Variants in TEK observed in about 807,000 individuals in gnomAD.
TEK encodes the protein angiopoietin-1 receptor.
TEK carries 43 observed loss-of-function variants against 131.8 expected under a neutral mutation model. That is an observed-to-expected ratio of 0.33 (90% CI 0.26 to 0.42). TEK has a LOEUF of 0.42. Among genes scored for constraint, TEK ranks in the 10% least tolerant of loss-of-function variants. TEK has a pLI of 1.00. For missense variants in TEK, 1,162 were observed against 1,384.4 expected, an observed-to-expected ratio of 0.84 and a Z score of 2.55; for synonymous variants, 580 against 491.6, an observed-to-expected ratio of 1.18 and a Z score of -2.38.
chr9:27,175,153 A>T (rs1434442405), intron 6 of TEK, among the ~76,000 whole-genome samples: 2 of 101,208 alleles, frequency 2.0e-5, no homozygotes, highest in Non-Finnish European at 1.9e-5. Context: ...CCACCCCACA[A>T]CAGTCCCCAG....
At chr9:27,185,257 A>T (rs768318392) in intron 8 of TEK, among the ~76,000 whole-genome samples, 61 of 152,150 alleles carry the variant, frequency 4.0e-4, no homozygotes, top group Non-Finnish European at 4.3e-4. Flanking sequence ...CGTACTCCTA[A>T]ACACACAAAT....
intron 16 of TEK, 66 bp downstream of exon 16, chr9:27,209,297 A>G (rs1825515129): frequency 9.0e-7 from 1 of 1,107,558 alleles, no homozygotes; most frequent in Non-Finnish European, 1.4e-6. Context: ...CCATATGGAT[A>G]TAAGGAAAGA....
chr9:27,204,872 A>T (rs1455600140), intron 13 of TEK, 39 bp from the exon 14 acceptor site: 1 of 1,612,444 alleles, frequency 6.2e-7, no homozygotes, highest in Admixed American at 1.7e-5. Flanking sequence ...TTCTCTATGT[A>T]AACTAAACTA....
At chr9:27,135,818 T>A (rs1261885380) in intron 1 of TEK, among the ~76,000 whole-genome samples, 1 of 152,098 alleles carries the variant, frequency 6.6e-6, no homozygotes, top group East Asian at 1.9e-4. Context: ...CACAGGCACT[T>A]AGAAGCAGAG....
chr9:27,127,785 G>T (rs536186564), intron 1 of TEK, among the ~76,000 whole-genome samples: 1 of 152,338 alleles, frequency 6.6e-6, no homozygotes, highest in African/African-American at 2.4e-5. Context: ...CTTTTGAGAA[G>T]TGTCTGTTTA....
At chr9:27,149,846 A>G (rs1016671437) in intron 1 of TEK, among the ~76,000 whole-genome samples, 1 of 152,112 alleles carries the variant, frequency 6.6e-6, no homozygotes, top group Non-Finnish European at 1.5e-5. Flanking sequence ...AGCCCAGAAA[A>G]AGGTGGTCTG....
intron 1 of TEK, among the ~76,000 whole-genome samples, chr9:27,149,291 A>G (rs909518308): frequency 6.6e-6 from 1 of 152,050 alleles, no homozygotes; most frequent in African/African-American, 2.4e-5. Flanking sequence ...TTCAAATTGT[A>G]TCTTTCTACT....
chr9:27,183,622 T>C lies in TEK; in HGVS notation c.1182+12T>C. ...GGACAGTGCTCCATGTAAGAGCCATTCTTAATTTGCCCTTCTTAAAGCATG... is the reference window on the plus strand; with the variant it reads ...GGACAGTGCTCCATGTAAGAGCCATCCTTAATTTGCCCTTCTTAAAGCATG... On this transcript the variant is annotated intron_variant, in intron 8 of 22. Transcript: ENST00000380036. 6.2e-7 allele frequency: 1 copy of C among 1,613,692 alleles called. No individual in the cohort carries two copies. The highest frequency in any genetic ancestry group is 8.5e-7 in the Non-Finnish European group (1 of 1,179,720).
chr9:27,211,410 A>G (rs1825623459), intron 16 of TEK, among the ~76,000 whole-genome samples: 1 of 134,282 alleles, frequency 7.4e-6, no homozygotes, highest in African/African-American at 2.7e-5. Context: ...TAGAATTTCA[A>G]TTTCTTAGAA....
intron 10 of TEK, 105 bp downstream of exon 10, chr9:27,190,795 A>C: frequency 2.0e-6 from 3 of 1,490,622 alleles, no homozygotes; most frequent in African/African-American, 1.4e-5. Flanking sequence ...CCTCTACCTC[A>C]AGGTGGTGGC....
chr9:27,166,066 G>A (rs919117440), intron 2 of TEK, among the ~76,000 whole-genome samples: 8 of 152,256 alleles, frequency 5.3e-5, no homozygotes, highest in East Asian at 3.9e-4. Context: ...GAGAATGAGG[G>A]CACAGCGACC....
Position 27,135,137 on chromosome 9 carries a change from T to C in TEK, c.53-22694T>C, listed in dbSNP as rs1250826777. ...TACTTGGGAGGCTGAGGCAGGAGAATCGCTTGAACCCAGGAGGTGGAGGTT... is the reference window on the plus strand; with the variant it reads ...TACTTGGGAGGCTGAGGCAGGAGAACCGCTTGAACCCAGGAGGTGGAGGTT... On this transcript the variant is annotated intron_variant, in intron 1 of 22. Coordinates refer to ENST00000380036, the MANE Select transcript of TEK (RefSeq NM_000459.5). Among the ~76,000 whole-genome samples the C allele has an allele frequency of 2.0e-5, 3 of 151,688 alleles. No homozygotes were observed. The East Asian group carries it at 5.8e-4, about 29-fold the overall frequency.
chr9:27,131,150 TA>T lies in TEK; in HGVS notation c.52+21509del, dbSNP rs568528931. 3.3e-3 allele frequency among the ~76,000 whole-genome samples: 509 copies of T among 152,280 alleles called. 3 individuals carry two copies. The highest frequency in any genetic ancestry group is 0.012 in the African/African-American group (488 of 41,562). ...CACTCTCTTACATACTACACCTTTT[TA>T]GAAATAAACTTGGCAGTGTAGACCA... On this transcript the variant is annotated intron_variant, in intron 1 of 22. Coordinates refer to ENST00000380036, the MANE Select transcript of TEK (RefSeq NM_000459.5).
At chr9:27,149,195 C>A (rs144777855) in intron 1 of TEK, among the ~76,000 whole-genome samples, 2 of 152,126 alleles carry the variant, frequency 1.3e-5, no homozygotes, top group Non-Finnish European at 2.9e-5. Flanking sequence ...GTTAGAGATA[C>A]AGCGATGGGC....
At chr9:27,213,403 G>A in intron 17 of TEK, 81 bp from the exon 18 acceptor site, 1 of 1,022,898 alleles carries the variant, frequency 9.8e-7, no homozygotes, top group South Asian at 1.3e-5. Context: ...TTATACTATT[G>A]TTTTCTTTCC....
At chr9:27,188,090 T>A (rs1367509547) in intron 9 of TEK, among the ~76,000 whole-genome samples, 1 of 152,162 alleles carries the variant, frequency 6.6e-6, no homozygotes, top group Non-Finnish European at 1.5e-5. Flanking sequence ...GCAAACATGA[T>A]AACCAGTGAA....
chr9:27,213,830 GA>G (rs1285552320), intron 18 of TEK, among the ~76,000 whole-genome samples: 1 of 152,214 alleles, frequency 6.6e-6, no homozygotes, highest in Admixed American at 6.5e-5. Flanking sequence ...CCAAGTGATT[GA>G]ATGTTCAAAC....
At chr9:27,185,261 C>T (rs755006857) in intron 8 of TEK, among the ~76,000 whole-genome samples, 3 of 152,144 alleles carry the variant, frequency 2.0e-5, no homozygotes, top group South Asian at 4.1e-4. Flanking sequence ...CTCCTAAACA[C>T]ACAAATACAA....
chr9:27,188,398 A>T (rs909671764), intron 9 of TEK, among the ~76,000 whole-genome samples: 1 of 152,230 alleles, frequency 6.6e-6, no homozygotes, highest in Non-Finnish European at 1.5e-5. Flanking sequence ...AAAATAGTAG[A>T]TTACTAAGAG....
Sources: gnomAD v4.1 joint callset for allele counts (sites outside exome capture counted in the v4.1 genomes callset) on GRCh38, gnomAD v4.1.1 for gene constraint, MANE v1.5 for transcripts, NCBI Gene and HGNC (gene_info 2026-07-23, HGNC 2026-07-21) for gene names.